Variants in EFCAB8 observed in about 807,000 individuals in gnomAD.
EFCAB8 encodes EF-hand calcium binding domain 8.
In EFCAB8, 100 loss-of-function variants were observed where a neutral mutation model predicts 116.3. That is an observed-to-expected ratio of 0.86 (90% CI 0.73 to 1.02). The LOEUF (loss-of-function observed/expected upper bound fraction) is 1.02. Ranked by LOEUF, EFCAB8 falls within the 50% of genes least tolerant of loss-of-function variation. The pLI is 0.00. For synonymous variants in EFCAB8, 558 were observed against 567.9 expected, an observed-to-expected ratio of 0.98 and a Z score of 0.25; for missense variants, 1,320 against 1,416.9, an observed-to-expected ratio of 0.93 and a Z score of 1.10.
Position 32,959,829 on chromosome 20 carries a change from G to A in EFCAB8, c.3141G>A (p.Ala1047=), listed in dbSNP as rs769822614. 23 of 1,540,872 alleles carry A rather than the reference G, an allele frequency of 1.5e-5. No individual in the cohort carries two copies. The highest frequency in any genetic ancestry group is 1.8e-5 in the Non-Finnish European group (20 of 1,140,436). ...TGATATACCAGCGGCGAGAGCAGGC[G>A]GCGCTGATGGCTCTCCTGCATGGGA... is the stretch of plus-strand genomic sequence containing the variant. The part of the protein sequence containing the change: ...EALIYQRREQ[A]ALMALLHGKA... Residue 1047 remains alanine, a synonymous_variant, in exon 25 of 27, where the codon GCG becomes GCA. Coordinates refer to ENST00000400522, the MANE Select transcript of EFCAB8 (RefSeq NM_001143967.2).
intron 20 of EFCAB8, among the ~76,000 whole-genome samples, chr20:32,927,679 G>A (rs1391779146): frequency 6.6e-6 from 1 of 152,096 alleles, no homozygotes; most frequent in African/African-American, 2.4e-5. Context: ...GATTATTTCT[G>A]GGTACTGGGA....
chr20:32,917,405 C>T lies in EFCAB8; in HGVS notation c.1961C>T (p.Ser654Phe). ...AKYRNQFLGT[S>F]SYSGDILFWN... is the part of the protein sequence containing the mutation. ...TACCGGAACCAGTTCCTTGGGACCTCCTCCTACAGTGGGGACATCCTCTTC... is the reference window on the plus strand; with the variant it reads ...TACCGGAACCAGTTCCTTGGGACCTTCTCCTACAGTGGGGACATCCTCTTC... The change falls in exon 18 of 27, where the codon TCC becomes TTC. Residue 654 changes from serine (S) to phenylalanine (F), a missense_variant. Transcript: ENST00000400522. 1 of 1,551,960 alleles carries T rather than the reference C, an allele frequency of 6.4e-7. No homozygotes were observed. Among genetic ancestry groups the T allele is most frequent in the African/African-American group, 1.4e-5 (1 of 73,150 alleles).
chr20:32,885,039 C>G (rs1187777687), intron 5 of EFCAB8, among the ~76,000 whole-genome samples: 1 of 152,206 alleles, frequency 6.6e-6, no homozygotes, highest in Non-Finnish European at 1.5e-5. Context: ...TGATTTCATC[C>G]TTCGGTTCTG....
intron 4 of EFCAB8, 123 bp downstream of exon 4, chr20:32,876,167 T>A: frequency 1.2e-6 from 1 of 849,912 alleles, no homozygotes; most frequent in Non-Finnish European, 1.9e-6. Context: ...CTGTGGATTC[T>A]GGCCCCAGTC....
chr20:32,891,744 G>C (rs944667837), intron 7 of EFCAB8, among the ~76,000 whole-genome samples: 6 of 152,326 alleles, frequency 3.9e-5, no homozygotes, highest in Middle Eastern at 3.4e-3. Flanking sequence ...AGAGGCTGCC[G>C]TTCAGATGCG....
At chr20:32,949,214 G>A (rs1467819941) in intron 23 of EFCAB8, among the ~76,000 whole-genome samples, 1 of 151,986 alleles carries the variant, frequency 6.6e-6, no homozygotes, top group Non-Finnish European at 1.5e-5. Context: ...ATACATTTAC[G>A]AAAACATAAA....
intron 22 of EFCAB8, among the ~76,000 whole-genome samples, chr20:32,938,280 C>T (rs1988199517): frequency 6.7e-6 from 1 of 149,886 alleles, no homozygotes; most frequent in African/African-American, 2.5e-5. Context: ...GATTGAAACA[C>T]CCAATAAACT....
chr20:32,912,846 A>T lies in EFCAB8; in HGVS notation c.1838A>T (p.Lys613Met), dbSNP rs1987007930. The T allele has an allele frequency of 1.4e-6, 1 of 718,910 alleles. No individual in the cohort carries two copies. The highest frequency in any genetic ancestry group is 1.7e-5 in the African/African-American group (1 of 57,268). 44.5% of individuals were successfully genotyped at this position (718,910 alleles called of 1,614,324 possible). The change falls in exon 17 of 27, where the codon AAG becomes ATG. Residue 613 changes from lysine (K) to methionine (M), a missense_variant. Physicochemically the swap from Lys to Met is moderately conservative, Grantham distance 95. Transcript: ENST00000400522. Reference sequence around the variant, plus strand: ...GTGTTCTATGTGACAGGATGGAGTAAGAGAATCACTCATTTCCTGTGAGTA... The same window carrying T: ...GTGTTCTATGTGACAGGATGGAGTATGAGAATCACTCATTTCCTGTGAGTA... Reference protein sequence around the residue: ...NKVFYVTGWSKRITHFLFHKT... With the variant: ...NKVFYVTGWSMRITHFLFHKT...
rs982085222 is a variant in EFCAB8, at chr20:32,906,884, T to A, written c.1198T>A (p.Phe400Ile). 3 of 1,549,808 alleles carry A rather than the reference T, an allele frequency of 1.9e-6. No individual in the cohort carries two copies. The highest frequency in any genetic ancestry group is 2.6e-6 in the Non-Finnish European group (3 of 1,145,410). ...YDAFIRLWNPFVSKRPVWLMK... is the reference protein window; with the variant it reads ...YDAFIRLWNPIVSKRPVWLMK... ...TGCCTTCATCCGCCTGTGGAACCCC[T>A]TTGTCTCAAAGAGGCCCGTGTGGCT... Residue 400 changes from phenylalanine to isoleucine, a missense_variant, in exon 13 of 27, where the codon TTT becomes ATT. Coordinates refer to ENST00000400522, the MANE Select transcript of EFCAB8 (RefSeq NM_001143967.2).
chr20:32,897,095 T>C lies in EFCAB8; in HGVS notation c.957+568T>C, dbSNP rs543205831. The stretch of plus-strand genomic sequence containing the variant: ...TCTGTGCCTCGGCATGTGCTGCGCC[T>C]TCAGGCCGCGGGGCTCTCCCCTAAG... On this transcript the variant is annotated intron_variant, in intron 10 of 26. Transcript: ENST00000400522. 7.9e-5 allele frequency among the ~76,000 whole-genome samples: 12 copies of C among 152,270 alleles called. No individual in the cohort carries two copies. In the East Asian group the frequency reaches 1.9e-3, roughly 25 times the overall value.
chr20:32,863,719 A>G, intron 1 of EFCAB8, 64 bp from the exon 2 acceptor site: 1 of 1,501,708 alleles, frequency 6.7e-7, no homozygotes, highest in Non-Finnish European at 9.0e-7. Context: ...GACCTGGCTA[A>G]GTCAGCCTTC....
Position 32,893,265 on chromosome 20 carries a change from A to C in EFCAB8, c.850A>C (p.Asn284His), listed in dbSNP as rs1305951336. Residue 284 changes from asparagine (N) to histidine (H), a missense_variant, in exon 9 of 27, where the codon AAC (asparagine) becomes CAC (histidine). Transcript: ENST00000400522. ...TSENMTSGLF[N>H]PRILPRASKW... is the part of the protein sequence containing the mutation. ...CGAAAACATGACCAGTGGGCTGTTC[A>C]ACCCCCGTATCCTCCCCAGGGCCTC... 6.4e-7 allele frequency: 1 copy of C among 1,551,780 alleles called. No individual in the cohort carries two copies. The highest frequency in any genetic ancestry group is 1.4e-5 in the African/African-American group (1 of 73,022).
chr20:32,918,365 C>T lies in EFCAB8; in HGVS notation c.2065C>T (p.Gln689Ter). Residue 689 changes from glutamine to a stop codon, truncating the protein, a stop_gained, in exon 19 of 27, where the codon CAA becomes TAA. Transcript: ENST00000400522. LOFTEE classifies it high-confidence loss of function. The stretch of plus-strand genomic sequence containing the variant: ...GGCTGCTTTCTTCTTGGTACAGGTG[C>T]AAGATGTGAACAACTGCCTGGCTGA... ...SPSPLQPKRVQDVNNCLAESH... is the reference protein window; with the variant it reads ...SPSPLQPKRV 2 of 1,551,708 alleles carry T rather than the reference C, an allele frequency of 1.3e-6. No individual in the cohort carries two copies. The highest frequency in any genetic ancestry group is 1.7e-6 in the Non-Finnish European group (2 of 1,146,988).
intron 20 of EFCAB8, among the ~76,000 whole-genome samples, chr20:32,923,320 T>C (rs994501569): frequency 2.0e-5 from 3 of 152,088 alleles, no homozygotes; most frequent in Non-Finnish European, 2.9e-5. Flanking sequence ...ACCCCGTCTC[T>C]ACTAAAATAC....
intron 15 of EFCAB8, among the ~76,000 whole-genome samples, chr20:32,910,738 C>CTTTTTTTT (rs34185318): frequency 5.6e-5 from 6 of 107,308 alleles, no homozygotes; most frequent in Admixed American, 1.1e-4. Context: ...TCACTTGCTA[C>CTTTTTTTT]TTTTTTTTTT....
rs554125277 is a variant in EFCAB8, at chr20:32,928,049, A to G, written c.2413-2349A>G. On this transcript the variant is annotated intron_variant, in intron 20 of 26. Transcript: ENST00000400522. ...ACTTTCTGTCTTTATGATTTTGACT[A>G]TTCTACCTCATGCAAGTGGAATCAT... Among the ~76,000 whole-genome samples the G allele has an allele frequency of 4.3e-4, 66 of 152,218 alleles. 1 individual carries two copies. In the South Asian group the frequency reaches 0.014, roughly 31 times the overall value.
chr20:32,916,599 G>T (rs537272774), intron 17 of EFCAB8, among the ~76,000 whole-genome samples: 2 of 152,132 alleles, frequency 1.3e-5, no homozygotes, highest in Admixed American at 1.3e-4. Flanking sequence ...ATTTATGAGG[G>T]TTTTGCCCTT....
chr20:32,911,994 A>C (rs1356431989), intron 16 of EFCAB8, among the ~76,000 whole-genome samples: 1 of 152,172 alleles, frequency 6.6e-6, no homozygotes, highest in Non-Finnish European at 1.5e-5. Flanking sequence ...CATTTCTAGC[A>C]GTGGGATCAG....
chr20:32,926,348 T>G (rs1987668462), intron 20 of EFCAB8, among the ~76,000 whole-genome samples: 1 of 152,168 alleles, frequency 6.6e-6, no homozygotes, highest in African/African-American at 2.4e-5. Context: ...GTGAAAGTTG[T>G]GTGCACGTTA....
Sources: allele counts gnomAD v4.1 joint callset (sites outside exome capture counted in the v4.1 genomes callset), GRCh38; gene constraint gnomAD v4.1.1; transcripts MANE v1.5; gene names NCBI Gene and HGNC (gene_info 2026-07-23, HGNC 2026-07-21).